RFX5: variants seen among roughly 807,000 people sequenced by gnomAD.
The protein encoded by RFX5 is regulatory factor X5, also known as DNA-binding protein RFX5.
Under a neutral mutation model 41.2 loss-of-function variants are expected in RFX5, and 30 were observed. That is an observed-to-expected ratio of 0.73 (90% CI 0.54 to 0.99). The LOEUF (loss-of-function observed/expected upper bound fraction) is 0.99. RFX5 is among the 50% of genes least tolerant of loss of function. The pLI, the probability that RFX5 is intolerant of heterozygous loss-of-function variation, is 0.00. For missense variants in RFX5, 715 were observed against 773.6 expected (o/e 0.92, Z 0.90); for synonymous variants, 231 against 291.8 (o/e 0.79, Z 2.12).
In RFX5 at chr1:151,343,012, G is replaced by C; in HGVS notation, c.1025C>G (p.Pro342Arg). The change falls in exon 11 of 11, where the codon CCG (proline) becomes CGG (arginine). Residue 342 changes from proline to arginine, a missense_variant. Transcript: ENST00000452671. ...LLPRAPRSLI[P>R]PIPVSPPILA... ...AATAGGTGGAGAGACTGGGATTGGC[G>C]GAATTAGTGAGCGAGGGGCCCGGGG... 6.2e-7 allele frequency: 1 copy of C among 1,613,832 alleles called. No individual in the cohort carries two copies.
rs1417231233 is a variant in RFX5, at chr1:151,341,388, G to C, written c.*798C>G. 2.0e-5 allele frequency: 3 copies of C among 152,924 alleles called. No homozygotes were observed. Among genetic ancestry groups the C allele is most frequent in the Non-Finnish European group, 1.5e-5 (1 of 68,648 alleles). The allele number at this position is 152,924 out of a possible 1,614,324, so 9.5% of individuals were successfully genotyped here. A position where few individuals can be genotyped will look rare whatever the true frequency, so the allele number is the denominator to read the frequency against. ...TAGCAAGCTAAAATAAGAGTAGCCT[G>C]GTGTTAGCGGCCACCCAAGCAACTC... is the stretch of plus-strand genomic sequence containing the variant. On this transcript the variant is annotated 3_prime_UTR_variant, in exon 11 of 11. Transcript: ENST00000452671.
chr1:151,344,703 T>TGCCCCCCCCCCC, intron 6 of RFX5, 25 bp downstream of exon 6: 1 of 1,515,652 alleles, frequency 6.6e-7, no homozygotes, highest in Non-Finnish European at 8.9e-7. Context: ...AATCCACTCA[T>TGCCCCCCCCCCC]CCCACCACCC....
At position 151,342,057 on chromosome 1, in the gene RFX5, A is replaced by G. The variant is rs774455467; in HGVS notation, c.*129T>C. The G allele has an allele frequency of 3.7e-6, 5 of 1,336,486 alleles. No individual in the cohort carries two copies. The East Asian group carries it at 1.2e-4, about 32-fold the overall frequency. 82.8% of individuals were successfully genotyped at this position (1,336,486 alleles called of 1,614,324 possible). On this transcript the variant is annotated 3_prime_UTR_variant, in exon 11 of 11. Coordinates refer to ENST00000452671, the MANE Select transcript of RFX5 (RefSeq NM_001025603.2). ...AGGTACTAAGTAGACTGGGTGACTC[A>G]GCTGTCTGTACAGAGGAGAATGGAC... is the stretch of plus-strand genomic sequence containing the variant.
chr1:151,344,231 G>A lies in RFX5; in HGVS notation c.521C>T (p.Pro174Leu). The A allele has an allele frequency of 2.5e-6, 4 of 1,614,162 alleles. No homozygotes were observed. The highest frequency in any genetic ancestry group is 3.4e-6 in the Non-Finnish European group (4 of 1,180,030). The change falls in exon 8 of 11, where the codon CCC (proline) becomes CTC (leucine). Residue 174 changes from proline (P) to leucine (L), a missense_variant. Transcript: ENST00000452671. ...ACCCTTTAGGTCAAGTCCAGGCAGG[G>A]GTGGCATAGACACCAAGGTCTTCCT... ...IRRKTLVSMP[P>L]LPGLDLKGSE... is the part of the protein sequence containing the mutation.
chr1:151,345,519 G>A (rs1158017685), intron 4 of RFX5: 14 of 362,276 alleles, frequency 3.9e-5, no homozygotes, highest in Non-Finnish European at 6.8e-5. Context: ...GGCTGAGGCA[G>A]GAGAATGGCG....
In RFX5 at chr1:151,344,553, C is replaced by T. The variant is rs369304906; in HGVS notation, c.354-17G>A. 44 of 1,613,994 alleles carry T rather than the reference C, an allele frequency of 2.7e-5. No individual in the cohort carries two copies. The African/African-American group carries it at 5.5e-4, about 20-fold the overall frequency. The stretch of plus-strand genomic sequence containing the variant: ...CAGTACTTCCTGAGTGAGAGGGGAG[C>T]AGAGTGGGAAGATACTCAGAGAAGG... On this transcript the variant is annotated splice_polypyrimidine_tract_variant and intron_variant, in intron 6 of 10. Coordinates refer to ENST00000452671, the MANE Select transcript of RFX5 (RefSeq NM_001025603.2).
Position 151,342,616 on chromosome 1 carries a change from CCTGA to C in RFX5, c.1417_1420del (p.Ser473ValfsTer92). On this transcript the variant is annotated frameshift_variant, in exon 11 of 11. Transcript: ENST00000452671. LOFTEE classifies it low-confidence loss of function (END_TRUNC). ...GGTAGAATTCCTTTCCCCACTTCCA[CCTGA>C]CTTTTTTCGAGGGCGCCCCCGTTTC... 1 of 1,614,196 alleles carries C rather than the reference CCTGA, an allele frequency of 6.2e-7. No homozygotes were observed. Among genetic ancestry groups the C allele is most frequent in the Non-Finnish European group, 8.5e-7 (1 of 1,180,044 alleles).
intron 8 of RFX5, 143 bp from the exon 9 acceptor site, chr1:151,344,025 C>T (rs889068797): frequency 9.0e-7 from 1 of 1,115,902 alleles, no homozygotes; most frequent in Non-Finnish European, 1.3e-6. Context: ...TTGCAGAAGC[C>T]CACAAGTTCT....
intron 5 of RFX5, 117 bp from the exon 6 acceptor site, chr1:151,344,964 C>T: frequency 6.3e-7 from 1 of 1,591,216 alleles, no homozygotes; most frequent in Non-Finnish European, 8.6e-7. Context: ...CTAACTTTCC[C>T]TGGTAAACCA....
Position 151,343,717 on chromosome 1 carries a change from C to A in RFX5, c.721G>T (p.Ala241Ser). Reference protein sequence around the residue: ...LQQHLISARSAHAHVLKAMGL... With the variant: ...LQQHLISARSSHAHVLKAMGL... ...ATGGCCTTAAGCACATGGGCATGTG[C>A]AGATCGGGCAGAGATGAGATGCTGC... The change falls in exon 9 of 11, where the codon GCA (alanine) becomes TCA (serine). Residue 241 changes from alanine (A) to serine (S), a missense_variant. Transcript: ENST00000452671. The A allele has an allele frequency of 6.2e-7, 1 of 1,614,044 alleles. No homozygotes were observed. The highest frequency in any genetic ancestry group is 8.5e-7 in the Non-Finnish European group (1 of 1,180,022).
rs1650455676 is a variant in RFX5 at position 151,341,676 on chromosome 1, G to A, written c.*510C>T. 1 of 238,056 alleles carries A rather than the reference G, an allele frequency of 4.2e-6. No homozygotes were observed. Among genetic ancestry groups the A allele is most frequent in the African/African-American group, 2.3e-5 (1 of 43,026 alleles). The allele number at this position is 238,056 out of a possible 1,614,324, so 14.7% of individuals were successfully genotyped here. ...GGAAAAGTGTAATCTTAGGAATGCT[G>A]GCAGCCATTAAGTGGCCCAGACTTA... On this transcript the variant is annotated 3_prime_UTR_variant, in exon 11 of 11. Coordinates refer to ENST00000452671, the MANE Select transcript of RFX5 (RefSeq NM_001025603.2).
At chr1:151,345,512 T>C (rs1007016741) in intron 4 of RFX5, 4 of 361,684 alleles carry the variant, frequency 1.1e-5, no homozygotes, top group African/African-American at 2.2e-5. Flanking sequence ...CTTGGGAGGC[T>C]GAGGCAGGAG....
rs923035234 is a variant in RFX5 at position 151,344,740 on chromosome 1, T to C, written c.341A>G (p.Tyr114Cys). Residue 114 changes from tyrosine to cysteine, a missense_variant, in exon 6 of 11, where the codon TAT (tyrosine) becomes TGT (cysteine). Transcript: ENST00000452671. Reference sequence around the variant, plus strand: ...CCCCTCCACCCACCGATAGGCATCATAAACACTTTGCTTTGGCAGACAGGT... The same window carrying C: ...CCCCTCCACCCACCGATAGGCATCACAAACACTTTGCTTTGGCAGACAGGT... ...TDTCLPKQSV[Y>C]DAYRKYCESL... 1.1e-6 allele frequency: 1 copy of C among 903,804 alleles called. No homozygotes were observed. Among genetic ancestry groups the C allele is most frequent in the Non-Finnish European group, 1.6e-6 (1 of 607,104 alleles). The allele number at this position is 903,804 out of a possible 1,614,324, so 56.0% of individuals were successfully genotyped here.
In RFX5 at chr1:151,342,967, G is replaced by A; in HGVS notation, c.1070C>T (p.Ser357Leu). The part of the protein sequence containing the change: ...SPPILAPRLS[S>L]GALKVATLPL... Reference sequence around the variant, plus strand: ...CAGTGTAGCCACTTTCAGGGCACCTGAAGAAAGCCTGGGGGCCAGAATAGG... The same window carrying A: ...CAGTGTAGCCACTTTCAGGGCACCTAAAGAAAGCCTGGGGGCCAGAATAGG... Residue 357 changes from serine to leucine, a missense_variant, in exon 11 of 11, where the codon TCA becomes TTA. By Grantham distance (145) the Ser-to-Leu change is moderately radical (BLOSUM62 -2). Transcript: ENST00000452671. 1.9e-6 allele frequency: 3 copies of A among 1,614,116 alleles called. No homozygotes were observed. Among genetic ancestry groups the A allele is most frequent in the Non-Finnish European group, 1.7e-6 (2 of 1,180,006 alleles).
chr1:151,345,330 C>T (rs768174707), intron 4 of RFX5, 142 bp from the exon 5 acceptor site: 63 of 698,036 alleles, frequency 9.0e-5, no homozygotes, highest in South Asian at 8.5e-4. Flanking sequence ...TTTGACAAGG[C>T]CGGGCACGGT....
chr1:151,343,709 G>C lies in RFX5; in HGVS notation c.729C>G (p.Ala243=). The C allele has an allele frequency of 6.2e-7, 1 of 1,614,110 alleles. No homozygotes were observed. Among genetic ancestry groups the C allele is most frequent in the South Asian group, 1.1e-5 (1 of 91,072 alleles). ...QHLISARSAH[A]HVLKAMGLAE... ...CGAGCCCCATGGCCTTAAGCACATGGGCATGTGCAGATCGGGCAGAGATGA... is the reference window on the plus strand; with the variant it reads ...CGAGCCCCATGGCCTTAAGCACATGCGCATGTGCAGATCGGGCAGAGATGA... Residue 243 remains alanine, a synonymous_variant, in exon 9 of 11, where the codon GCC becomes GCG. Coordinates refer to ENST00000452671, the MANE Select transcript of RFX5 (RefSeq NM_001025603.2).
rs1297649597 is a variant in RFX5 at position 151,341,522 on chromosome 1, A to G, written c.*664T>C. ...ATATAGAATAAGCAAATTAGCATGTATCATCCTCCTGGCCACAGTGATTGG... is the reference window on the plus strand; with the variant it reads ...ATATAGAATAAGCAAATTAGCATGTGTCATCCTCCTGGCCACAGTGATTGG... On this transcript the variant is annotated 3_prime_UTR_variant, in exon 11 of 11. Coordinates refer to ENST00000452671, the MANE Select transcript of RFX5 (RefSeq NM_001025603.2). 1 of 162,436 alleles carries G rather than the reference A, an allele frequency of 6.2e-6. No individual in the cohort carries two copies. Among genetic ancestry groups the G allele is most frequent in the Non-Finnish European group, 1.4e-5 (1 of 73,948 alleles). The allele number at this position is 162,436 out of a possible 1,614,324, so 10.1% of individuals were successfully genotyped here. A position where few individuals can be genotyped will look rare whatever the true frequency, so the allele number is the denominator to read the frequency against.
chr1:151,346,331 G>C lies in RFX5; in HGVS notation c.-11C>G. 6.2e-7 allele frequency: 1 copy of C among 1,612,784 alleles called. No homozygotes were observed. The highest frequency in any genetic ancestry group is 8.5e-7 in the Non-Finnish European group (1 of 1,178,930). The stretch of plus-strand genomic sequence containing the variant: ...CTCATCTTCTGCCATCCCGGCATGA[G>C]GGCTAGAATTGAGAGGGACAGGCAT... On this transcript the variant is annotated splice_region_variant and 5_prime_UTR_variant, in exon 3 of 11. Transcript: ENST00000452671.
chr1:151,346,421 C>T, intron 2 of RFX5, 68 bp downstream of exon 2: 1 of 975,796 alleles, frequency 1.0e-6, no homozygotes, highest in Non-Finnish European at 1.6e-6. Flanking sequence ...CATCTCTTTA[C>T]CCAGAAAGGC....
Sources: allele counts gnomAD v4.1 joint callset, GRCh38; gene constraint gnomAD v4.1.1; transcripts MANE v1.5; gene names NCBI Gene and HGNC (gene_info 2026-07-23, HGNC 2026-07-21).